The following PHLPP1 variants were observed in gnomAD, a reference collection of about 807,000 sequenced individuals.
The protein encoded by PHLPP1 is PH domain leucine-rich repeat-containing protein phosphatase 1.
PHLPP1 carries 42 observed loss-of-function variants against 117.2 expected under a neutral mutation model. That is an observed-to-expected ratio of 0.36 (90% CI 0.28 to 0.46). PHLPP1 has a LOEUF of 0.46. Among genes scored for constraint, PHLPP1 ranks in the 20% least tolerant of loss-of-function variants. The pLI, the probability that PHLPP1 is intolerant of heterozygous loss-of-function variation, is 1.00. For missense variants in PHLPP1, 2,084 were observed against 2,241.9 expected (o/e 0.93, Z 1.42); for synonymous variants, 1,042 against 970.7 (o/e 1.07, Z -1.37).
At chr18:62,739,913 T>C (rs375472033) in intron 1 of PHLPP1, among the ~76,000 whole-genome samples, 12 of 152,298 alleles carry the variant, frequency 7.9e-5, no homozygotes, top group East Asian at 5.8e-4. Context: ...GTGTATACCA[T>C]CTGTTGTGAA....
At chr18:62,811,214 G>A (rs1599059612) in intron 1 of PHLPP1, among the ~76,000 whole-genome samples, 1 of 152,284 alleles carries the variant, frequency 6.6e-6, no homozygotes, top group East Asian at 1.9e-4. Context: ...GAAAGAAATG[G>A]TAACATTAAA....
chr18:62,768,924 T>C (rs939449425), intron 1 of PHLPP1, among the ~76,000 whole-genome samples: 7 of 152,338 alleles, frequency 4.6e-5, no homozygotes, highest in East Asian at 3.9e-4. Context: ...ATGATTTATA[T>C]GCTGTATTCT....
intron 1 of PHLPP1, among the ~76,000 whole-genome samples, chr18:62,763,130 G>C (rs1445922994): frequency 1.3e-5 from 2 of 152,006 alleles, no homozygotes; most frequent in Non-Finnish European, 2.9e-5. Context: ...TAATTTTTTT[G>C]TTCTCTAGCA....
chr18:62,867,432 A>T (rs775805733), intron 4 of PHLPP1, among the ~76,000 whole-genome samples: 1 of 152,120 alleles, frequency 6.6e-6, no homozygotes, highest in Non-Finnish European at 1.5e-5. Flanking sequence ...GTCAGTACTC[A>T]CTGTTTACGT....
intron 1 of PHLPP1, among the ~76,000 whole-genome samples, chr18:62,810,027 CTT>C (rs1326289573): frequency 6.6e-6 from 1 of 152,166 alleles, no homozygotes; most frequent in Non-Finnish European, 1.5e-5. Context: ...GTTTTTAAGT[CTT>C]TTCTGAGTGC....
chr18:62,768,239 C>T (rs1040585375), intron 1 of PHLPP1, among the ~76,000 whole-genome samples: 2 of 151,960 alleles, frequency 1.3e-5, no homozygotes, highest in African/African-American at 4.8e-5. Context: ...TAGAGAAAAA[C>T]AAAAACAAAT....
At chr18:62,882,554 C>T (rs866230218) in intron 4 of PHLPP1, among the ~76,000 whole-genome samples, 2 of 152,118 alleles carry the variant, frequency 1.3e-5, no homozygotes, top group Non-Finnish European at 2.9e-5. Context: ...CCACCGCGCC[C>T]GGCCATTCAC....
chr18:62,817,263 C>G (rs1396095176), intron 1 of PHLPP1, among the ~76,000 whole-genome samples: 1 of 152,090 alleles, frequency 6.6e-6, no homozygotes, highest in Non-Finnish European at 1.5e-5. Context: ...TCAACTAACA[C>G]AGAAATGATA....
At chr18:62,952,203 A>ATTGCTT (rs1422859497) in intron 12 of PHLPP1, among the ~76,000 whole-genome samples, 1 of 151,996 alleles carries the variant, frequency 6.6e-6, no homozygotes, top group Non-Finnish European at 1.5e-5. Context: ...AGGTTGGAGG[A>ATTGCTT]TTGCTTAAGG....
Position 62,941,887 on chromosome 18 carries a change from G to A in PHLPP1, c.3130G>A (p.Ala1044Thr). Reference sequence around the variant, plus strand: ...CCCCCATTTGAAGATCCTTCACATGGCCTATAACCGACTTCAGAGTTTTCC... The same window carrying A: ...CCCCCATTTGAAGATCCTTCACATGACCTATAACCGACTTCAGAGTTTTCC... Reference protein sequence around the residue: ...GHPHLKILHMAYNRLQSFPAS... With the variant: ...GHPHLKILHMTYNRLQSFPAS... Residue 1044 changes from alanine (A) to threonine (T), a missense_variant, in exon 11 of 17, where the codon GCC becomes ACC. Around this residue, in one of 2 missense-constraint regions of PHLPP1, gnomAD observed 1,365 missense variants for 1,605.9 expected, o/e 0.85. Coordinates refer to ENST00000262719, the MANE Select transcript of PHLPP1 (RefSeq NM_194449.4). 1 of 1,613,834 alleles carries A rather than the reference G, an allele frequency of 6.2e-7. No homozygotes were observed. Among genetic ancestry groups the A allele is most frequent in the Admixed American group, 1.7e-5 (1 of 60,014 alleles).
At chr18:62,745,806 A>C (rs1413783266) in intron 1 of PHLPP1, among the ~76,000 whole-genome samples, 3 of 152,232 alleles carry the variant, frequency 2.0e-5, no homozygotes, top group Admixed American at 1.3e-4. Flanking sequence ...TACTGGTAGT[A>C]AATGTTGGCC....
intron 10 of PHLPP1, among the ~76,000 whole-genome samples, chr18:62,933,715 C>G (rs370292693): frequency 1.3e-5 from 2 of 152,032 alleles, no homozygotes; most frequent in African/African-American, 4.8e-5. Flanking sequence ...ACTAAGACCT[C>G]GAAGGCAAAT....
rs1415798783 is a variant in PHLPP1 at position 62,904,047 on chromosome 18, T to G, written c.2647+881T>G. 2.0e-5 allele frequency among the ~76,000 whole-genome samples: 3 copies of G among 152,232 alleles called. No homozygotes were observed. In the South Asian group the frequency reaches 6.2e-4, roughly 31 times the overall value. On this transcript the variant is annotated intron_variant, in intron 7 of 16. Coordinates refer to ENST00000262719, the MANE Select transcript of PHLPP1 (RefSeq NM_194449.4). The stretch of plus-strand genomic sequence containing the variant: ...TATCACGCACTTGTTTTATGCATAG[T>G]GCAGCTCATGAGCTCTGAAAGATGA...
intron 16 of PHLPP1, among the ~76,000 whole-genome samples, chr18:62,977,428 CAAAAAA>C (rs3087160): frequency 2.7e-5 from 2 of 74,230 alleles, no homozygotes; most frequent in South Asian, 1.2e-3. Context: ...GTACACGTGG[CAAAAAA>C]AAAAAAAAAA....
chr18:62,969,368 A>G (rs1181378853), intron 14 of PHLPP1, among the ~76,000 whole-genome samples: 2 of 152,210 alleles, frequency 1.3e-5, no homozygotes, highest in Admixed American at 1.3e-4. Flanking sequence ...AATTTCACTA[A>G]TATCGTTGGA....
intron 12 of PHLPP1, among the ~76,000 whole-genome samples, chr18:62,957,310 A>C (rs1334104860): frequency 6.6e-6 from 1 of 152,238 alleles, no homozygotes; most frequent in East Asian, 1.9e-4. Flanking sequence ...AAGGAGCTAT[A>C]ATTTCTACTT....
At chr18:62,817,497 T>C (rs1914318205) in intron 1 of PHLPP1, among the ~76,000 whole-genome samples, 1 of 151,818 alleles carries the variant, frequency 6.6e-6, no homozygotes, top group Non-Finnish European at 1.5e-5. Flanking sequence ...TAACAATAGC[T>C]CAAACACTAC....
chr18:62,822,295 T>G (rs1449436340), intron 1 of PHLPP1, among the ~76,000 whole-genome samples: 2 of 146,842 alleles, frequency 1.4e-5, no homozygotes, highest in Non-Finnish European at 3.0e-5. Flanking sequence ...TGTTTTTTTT[T>G]TTTTGAGACA....
Position 62,715,859 on chromosome 18 carries a change from C to A in PHLPP1, c.176C>A (p.Ala59Asp). The change falls in exon 1 of 17, where the codon GCC becomes GAC. Residue 59 changes from alanine to aspartate, a missense_variant. Ala to Asp is a moderately radical substitution (Grantham distance 126). This residue lies in a region of PHLPP1 where 719 missense variants were observed against 636.0 expected (regional missense o/e 1.13). Coordinates refer to ENST00000262719, the MANE Select transcript of PHLPP1 (RefSeq NM_194449.4). ...CCGGAGCCCGCGCTGACCCCGGCGGCCCCGAGCGGCGGGAACGGCAGCGGC... is the reference window on the plus strand; with the variant it reads ...CCGGAGCCCGCGCTGACCCCGGCGGACCCGAGCGGCGGGAACGGCAGCGGC... ...RSPEPALTPA[A>D]PSGGNGSGSG... The A allele has an allele frequency of 1.3e-6, 1 of 793,918 alleles. No individual in the cohort carries two copies. Among genetic ancestry groups the A allele is most frequent in the Non-Finnish European group, 1.5e-6 (1 of 656,066 alleles). The allele number at this position is 793,918 out of a possible 1,614,324, so 49.2% of individuals were successfully genotyped here. A position where few individuals can be genotyped will look rare whatever the true frequency, so the allele number is the denominator to read the frequency against.
Sources: gnomAD v4.1 joint callset for allele counts (sites outside exome capture counted in the v4.1 genomes callset) on GRCh38, gnomAD v4.1.1 for gene constraint, gnomAD v4.1.1 regional missense constraint, MANE v1.5 for transcripts, NCBI Gene and HGNC (gene_info 2026-07-23, HGNC 2026-07-21) for gene names.